BRAP: variants seen among roughly 807,000 people sequenced by gnomAD.
The protein encoded by BRAP is BRCA1 associated protein.
BRAP carries 42 observed loss-of-function variants against 73.4 expected under a neutral mutation model. The observed-to-expected ratio is 0.57, with a 90% CI of 0.45 to 0.74. BRAP has a LOEUF of 0.74. Among genes scored for constraint, BRAP ranks in the 30% least tolerant of loss-of-function variants. The pLI is 0.00. For synonymous variants in BRAP, 255 were observed against 267.4 expected (o/e 0.95, Z 0.45); for missense variants, 593 against 751.4 (o/e 0.79, Z 2.46).
At position 111,644,336 on chromosome 12, in the gene BRAP, G is replaced by C. The variant is rs1262718539; in HGVS notation, c.1642C>G (p.His548Asp). ...TCCTGCCGGGTCTCGGCAGGCAGAT[G>C]GTTGATCTTCTGCTGTGTCTCCAGG... is the stretch of plus-strand genomic sequence containing the variant. ...FYLETQQKIN[H>D]LPAETRQEIQ... The change falls in exon 12 of 12, where the codon CAT becomes GAT. Residue 548 changes from histidine (H) to aspartate (D), a missense_variant. Coordinates refer to ENST00000419234, the MANE Select transcript of BRAP (RefSeq NM_006768.5). 1 of 1,613,966 alleles carries C rather than the reference G, an allele frequency of 6.2e-7. No individual in the cohort carries two copies. The highest frequency in any genetic ancestry group is 1.1e-5 in the South Asian group (1 of 91,046).
chr12:111,660,955 A>C (rs556100967), intron 6 of BRAP, among the ~76,000 whole-genome samples: 1 of 151,842 alleles, frequency 6.6e-6, no homozygotes, highest in East Asian at 1.9e-4. Context: ...TACAATTAGG[A>C]CTTCATTTCA....
Position 111,644,234 on chromosome 12 carries a change from G to A in BRAP, c.1744C>T (p.Pro582Ser). The A allele has an allele frequency of 6.2e-7, 1 of 1,613,202 alleles. No homozygotes were observed. Among genetic ancestry groups the A allele is most frequent in the Non-Finnish European group, 8.5e-7 (1 of 1,179,948 alleles). Residue 582 changes from proline (P) to serine (S), a missense_variant, in exon 12 of 12, where the codon CCC (proline) becomes TCC (serine). Physicochemically the swap from Pro to Ser is moderately conservative, Grantham distance 74. This residue lies in a region of BRAP where 79 missense variants were observed against 65.3 expected (regional missense o/e 1.21). Transcript: ENST00000419234. ...PASSGGSGKL[P>S]SRKGRSKRGK ...CTCTTGCTGCGGCCCTTCCTGGAGG[G>A]CAACTTCCCACTGCCCCCCGAAGAG...
At chr12:111,685,308 G>C (rs1387540425) in intron 1 of BRAP, among the ~76,000 whole-genome samples, 1 of 152,210 alleles carries the variant, frequency 6.6e-6, no homozygotes, top group Admixed American at 6.6e-5. Context: ...TATGACTATG[G>C]TTAGGGGGCA....
intron 6 of BRAP, among the ~76,000 whole-genome samples, chr12:111,662,169 G>C (rs1243282324): frequency 2.0e-5 from 3 of 152,266 alleles, no homozygotes; most frequent in African/African-American, 7.2e-5. Context: ...TACTAGTCAT[G>C]AGTATTTTTG....
intron 3 of BRAP, among the ~76,000 whole-genome samples, chr12:111,681,309 G>A (rs1407281021): frequency 6.6e-6 from 1 of 151,898 alleles, no homozygotes; most frequent in Non-Finnish European, 1.5e-5. Flanking sequence ...GGCAGAAGAT[G>A]CAGTGATCTG....
At chr12:111,671,229 G>A (rs1304395027) in intron 5 of BRAP, among the ~76,000 whole-genome samples, 2 of 152,098 alleles carry the variant, frequency 1.3e-5, no homozygotes, top group East Asian at 3.9e-4. Flanking sequence ...GGGAGTGAAA[G>A]ATCAGAGCCA....
At chr12:111,648,656 G>A (rs367600442) in intron 11 of BRAP, among the ~76,000 whole-genome samples, 33 of 150,398 alleles carry the variant, frequency 2.2e-4, no homozygotes, top group Admixed American at 1.3e-3. Context: ...GGCTGGGCAC[G>A]GTGGCTCACG....
rs1052510069 is a variant in BRAP, at chr12:111,658,418, C to T, written c.1221+318G>A. On this transcript the variant is annotated intron_variant, in intron 9 of 11. Coordinates refer to ENST00000419234, the MANE Select transcript of BRAP (RefSeq NM_006768.5). ...CAGGTTCAAGCGATTCTCTGCTTCC[C>T]GGGTTCAAGCGATTCTCCTGCCTCA... Among the ~76,000 whole-genome samples the T allele has an allele frequency of 3.0e-3, 457 of 151,700 alleles. 8 individuals are homozygous for T. Among genetic ancestry groups the T allele is most frequent in the Non-Finnish European group, 5.2e-4 (35 of 67,904 alleles).
Position 111,644,164 on chromosome 12 carries a change from G to A in BRAP, c.*35C>T. 1 of 1,586,456 alleles carries A rather than the reference G, an allele frequency of 6.3e-7. No individual in the cohort carries two copies. The highest frequency in any genetic ancestry group is 8.5e-7 in the Non-Finnish European group (1 of 1,169,704). ...CCCAGCACACTCTCACAGTGTCAGG[G>A]AGAACAGTCTCAGGGATGTCTGTTG... is the stretch of plus-strand genomic sequence containing the variant. On this transcript the variant is annotated 3_prime_UTR_variant, in exon 12 of 12. Transcript: ENST00000419234.
chr12:111,675,599 G>T (rs1887349950), intron 4 of BRAP, among the ~76,000 whole-genome samples: 1 of 151,030 alleles, frequency 6.6e-6, no homozygotes, highest in African/African-American at 2.4e-5. Context: ...AAAGCCTGAA[G>T]CTAACTGCCA....
At chr12:111,682,816 G>A (rs1350958139) in intron 2 of BRAP, among the ~76,000 whole-genome samples, 1 of 152,030 alleles carries the variant, frequency 6.6e-6, no homozygotes, top group Admixed American at 6.6e-5. Flanking sequence ...GGAGGCTGAG[G>A]CAGGAAGACT....
Position 111,665,947 on chromosome 12 carries a change from A to T in BRAP, c.748-160T>A, listed in dbSNP as rs1886923441. On this transcript the variant is annotated intron_variant, in intron 5 of 11. Coordinates refer to ENST00000419234, the MANE Select transcript of BRAP (RefSeq NM_006768.5). The surrounding 1 kb of genome is among the most constrained non-coding windows in gnomAD (Gnocchi z 4.3). Reference sequence around the variant, plus strand: ...AGCCTTGACCTCCCAGGCTCAAGAGATCTGCCCACCTCAGGCTCCCCAGTA... The same window carrying T: ...AGCCTTGACCTCCCAGGCTCAAGAGTTCTGCCCACCTCAGGCTCCCCAGTA... 6.6e-6 allele frequency among the ~76,000 whole-genome samples: 1 copy of T among 152,172 alleles called. No individual in the cohort carries two copies. Among genetic ancestry groups the T allele is most frequent in the African/African-American group, 2.4e-5 (1 of 41,436 alleles).
intron 5 of BRAP, among the ~76,000 whole-genome samples, chr12:111,668,005 G>C (rs1887023024): frequency 6.6e-6 from 1 of 152,076 alleles, no homozygotes; most frequent in African/African-American, 2.4e-5. Flanking sequence ...TCAAGAGTTT[G>C]AGACCAGCCT....
chr12:111,685,638 C>A (rs1019189911), intron 1 of BRAP, 73 bp downstream of exon 1: 13 of 1,501,218 alleles, frequency 8.7e-6, no homozygotes, highest in Middle Eastern at 1.8e-4. Flanking sequence ...TTTCCCGGGC[C>A]AGTGCTTTGG....
chr12:111,654,703 G>C (rs1431349767), intron 10 of BRAP, among the ~76,000 whole-genome samples: 1 of 152,206 alleles, frequency 6.6e-6, no homozygotes, highest in African/African-American at 2.4e-5. Flanking sequence ...GGCCCTGCCT[G>C]CTAAGCTCCA....
intron 5 of BRAP, chr12:111,669,925 C>A (rs761536613): frequency 6.7e-4 from 423 of 627,270 alleles, no homozygotes; most frequent in Non-Finnish European, 1.1e-3. Context: ...TATCAAAAAA[C>A]CCATGCTTTC....
intron 11 of BRAP, among the ~76,000 whole-genome samples, chr12:111,647,686 G>A (rs1316553617): frequency 2.0e-5 from 3 of 151,818 alleles, no homozygotes; most frequent in South Asian, 2.1e-4. Flanking sequence ...ACCTGAGGTC[G>A]GGAGTTTGAG....
chr12:111,660,516 A>T, intron 7 of BRAP, 84 bp downstream of exon 7: 2 of 1,168,206 alleles, frequency 1.7e-6, no homozygotes, highest in South Asian at 3.6e-5. Context: ...ATTAAAAATA[A>T]AGAACTTAAG....
rs1035129198 is a variant in BRAP at position 111,665,911 on chromosome 12, T to A, written c.748-124A>T. 8 of 1,329,886 alleles carry A rather than the reference T, an allele frequency of 6.0e-6. No individual in the cohort carries two copies. The highest frequency in any genetic ancestry group is 8.2e-6 in the Non-Finnish European group (8 of 971,342). The allele number at this position is 1,329,886 out of a possible 1,614,324, so 82.4% of individuals were successfully genotyped here. ...ACGCTGGAGCCCAGTGGCGCAATCATGGCTCATTACAGCCTTGACCTCCCA... is the reference window on the plus strand; with the variant it reads ...ACGCTGGAGCCCAGTGGCGCAATCAAGGCTCATTACAGCCTTGACCTCCCA... On this transcript the variant is annotated intron_variant, in intron 5 of 11. Coordinates refer to ENST00000419234, the MANE Select transcript of BRAP (RefSeq NM_006768.5). The surrounding 1 kb of genome is among the most constrained non-coding windows in gnomAD (Gnocchi z 4.3).
Sources: gnomAD v4.1 joint callset for allele counts (sites outside exome capture counted in the v4.1 genomes callset) on GRCh38, gnomAD v4.1.1 for gene constraint, gnomAD v4.1.1 regional missense constraint, Gnocchi (gnomAD v3.1) non-coding constraint, MANE v1.5 for transcripts, NCBI Gene and HGNC (gene_info 2026-07-23, HGNC 2026-07-21) for gene names.